IL1RAPL1: variants seen among roughly 807,000 people sequenced by gnomAD.
IL1RAPL1 encodes interleukin 1 receptor accessory protein like 1.
A neutral mutation model predicts 48.4 loss-of-function variants in IL1RAPL1; 3 were observed. That is an observed-to-expected ratio of 0.06 (90% confidence interval 0.03 to 0.16). The LOEUF (loss-of-function observed/expected upper bound fraction) is 0.16. Ranked by LOEUF, IL1RAPL1 falls within the 10% of genes least tolerant of loss-of-function variation. The probability of loss-of-function intolerance (pLI) is 1.00; values close to 1 mark genes in which losing one functional copy is unlikely to be tolerated. For missense variants in IL1RAPL1, 349 were observed against 530.6 expected, an observed-to-expected ratio of 0.66 and a Z score of 3.36; for synonymous variants, 185 against 187.7, an observed-to-expected ratio of 0.99 and a Z score of 0.12.
chrX:29,328,176 T>C (rs1450078802), intron 3 of IL1RAPL1, among the ~76,000 whole-genome samples: 1 of 111,987 alleles, frequency 8.9e-6, no homozygotes, highest in Non-Finnish European at 1.9e-5. Flanking sequence ...ATCTACTATA[T>C]ATGGAGAAAT....
chrX:29,837,295 A>G (rs1427144086), intron 6 of IL1RAPL1, among the ~76,000 whole-genome samples: 1 of 76,124 alleles, frequency 1.3e-5, no homozygotes, highest in Non-Finnish European at 2.3e-5. Flanking sequence ...ATATATATAT[A>G]TATATACACA....
intron 6 of IL1RAPL1, among the ~76,000 whole-genome samples, chrX:29,828,745 C>A (rs141835073): frequency 0.024 from 2,723 of 111,341 alleles, 84 homozygotes; most frequent in African/African-American, 0.084. Flanking sequence ...TAGTTATATG[C>A]CCATCATAAA....
Position 29,385,630 on chromosome X carries a change from C to T in IL1RAPL1, c.363-10628C>T, listed in dbSNP as rs900688839. On this transcript the variant is annotated intron_variant, in intron 3 of 10. Transcript: ENST00000378993. ...TTATCCTTTTGTGACTGACTGATTT[C>T]ACTTAGCCTAATGTTCTCAGGTTTC... 3.6e-5 allele frequency among the ~76,000 whole-genome samples: 4 copies of T among 112,403 alleles called. No individual in the cohort carries two copies. In the Admixed American group the frequency reaches 3.8e-4, roughly 11 times the overall value.
At position 28,864,641 on chromosome X, in the gene IL1RAPL1, G is replaced by T. The variant is rs373219710; in HGVS notation, c.82+75216G>T. Among the ~76,000 whole-genome samples the T allele has an allele frequency of 1.3e-4, 15 of 111,333 alleles. No homozygotes were observed. In the East Asian group the frequency reaches 3.1e-3, roughly 23 times the overall value. ...GATCTAGTAGTAGAGTGTTTGGACA[G>T]TGGGAACTACAGTGTGAAAGGCCCT... On this transcript the variant is annotated intron_variant, in intron 2 of 10. Transcript: ENST00000378993.
chrX:28,788,136 A>T (rs937226955), intron 1 of IL1RAPL1, among the ~76,000 whole-genome samples: 1 of 111,641 alleles, frequency 9.0e-6, no homozygotes, highest in African/African-American at 3.3e-5. Flanking sequence ...TTGAGAGTAG[A>T]TCTTAAGTCT....
chrX:28,653,474 C>CA (rs56944561), intron 1 of IL1RAPL1, among the ~76,000 whole-genome samples: 223 of 99,814 alleles, frequency 2.2e-3, no homozygotes, highest in Middle Eastern at 0.01. Context: ...GACTGGGTCT[C>CA]AAAAAAAAAA....
chrX:29,865,639 T>TTC (rs1207576567), intron 6 of IL1RAPL1, among the ~76,000 whole-genome samples: 1 of 90,188 alleles, frequency 1.1e-5, no homozygotes, highest in African/African-American at 4.4e-5. Flanking sequence ...TTCTTTTCTT[T>TTC]TTTTTTTTTT....
At chrX:28,848,488 C>A (rs1921570988) in intron 2 of IL1RAPL1, among the ~76,000 whole-genome samples, 1 of 109,447 alleles carries the variant, frequency 9.1e-6, no homozygotes, top group Admixed American at 9.7e-5. Flanking sequence ...AGAAAGCAAT[C>A]AACAACTCCT....
chrX:28,634,325 A>ATGTG (rs756591652), intron 1 of IL1RAPL1, among the ~76,000 whole-genome samples: 7 of 106,601 alleles, frequency 6.6e-5, no homozygotes, highest in African/African-American at 1.7e-4. Flanking sequence ...TTATATATAT[A>ATGTG]TGTGTGTGTG....
At chrX:28,845,844 CTCT>C (rs1921494142) in intron 2 of IL1RAPL1, among the ~76,000 whole-genome samples, 1 of 111,046 alleles carries the variant, frequency 9.0e-6, no homozygotes, top group African/African-American at 3.3e-5. Context: ...ATTTTACACC[CTCT>C]ACCCCTACAT....
rs11371992 is a variant in IL1RAPL1, at chrX:29,188,585, CTTTTTTTT to C, written c.83-94341_83-94334del. Among the ~76,000 whole-genome samples, 51 of 79,161 alleles carry C rather than the reference CTTTTTTTT, an allele frequency of 6.4e-4. 1 individual carries two copies. Among genetic ancestry groups the C allele is most frequent in the African/African-American group, 2.4e-3 (51 of 20,900 alleles). 68.7% of individuals were successfully genotyped at this position (79,161 alleles called of 115,157 possible). ...TACTGTAGTTGGGTTAAAACATACA[CTTTTTTTT>C]TTTTTTTTTTTGAGATGGAGTCTTG... On this transcript the variant is annotated intron_variant, in intron 2 of 10. Transcript: ENST00000378993.
chrX:28,771,074 G>T (rs970609531), intron 1 of IL1RAPL1, among the ~76,000 whole-genome samples: 5 of 111,445 alleles, frequency 4.5e-5, no homozygotes, highest in Non-Finnish European at 9.4e-5. Flanking sequence ...TCAGTTGCAG[G>T]ATATTAACTT....
intron 5 of IL1RAPL1, among the ~76,000 whole-genome samples, chrX:29,666,187 G>A (rs1320960289): frequency 9.0e-6 from 1 of 111,352 alleles, no homozygotes; most frequent in Non-Finnish European, 1.9e-5. Flanking sequence ...TATAAGGACA[G>A]AAACTAAAGA....
At chrX:29,218,091 A>G (rs910161693) in intron 2 of IL1RAPL1, among the ~76,000 whole-genome samples, 1 of 111,676 alleles carries the variant, frequency 9.0e-6, no homozygotes, top group African/African-American at 3.2e-5. Context: ...TGTTTCCTCT[A>G]CCAATAAAAT....
In IL1RAPL1 at chrX:29,802,994, T is replaced by TAC. The variant is rs1569173314; in HGVS notation, c.779-114469_779-114468insCA. On this transcript the variant is annotated intron_variant, in intron 6 of 10. Transcript: ENST00000378993. ...ATATATACATACATGTGTACATATATATGTATGCATATATACATATGTGTA... is the reference window on the plus strand; with the variant it reads ...ATATATACATACATGTGTACATATATACATGTATGCATATATACATATGTGTA... 1.5e-4 allele frequency among the ~76,000 whole-genome samples: 10 copies of TAC among 68,164 alleles called. 1 individual carries two copies. Among genetic ancestry groups the TAC allele is most frequent in the African/African-American group, 6.0e-4 (9 of 15,126 alleles). 59.2% of individuals were successfully genotyped at this position (68,164 alleles called of 115,157 possible). A position where few individuals can be genotyped will look rare whatever the true frequency, so the allele number is the denominator to read the frequency against.
chrX:29,583,857 A>G (rs1487206430), intron 5 of IL1RAPL1, among the ~76,000 whole-genome samples: 1 of 111,917 alleles, frequency 8.9e-6, no homozygotes, highest in Non-Finnish European at 1.9e-5. Flanking sequence ...AGATTCAGGA[A>G]CTAGAGGCAG....
intron 5 of IL1RAPL1, among the ~76,000 whole-genome samples, chrX:29,574,753 A>T (rs1922720078): frequency 9.0e-6 from 1 of 111,526 alleles, no homozygotes; most frequent in Admixed American, 9.5e-5. Flanking sequence ...CCAGTTTCAG[A>T]TCATCCCTTT....
At chrX:29,032,104 A>G (rs1003421615) in intron 2 of IL1RAPL1, among the ~76,000 whole-genome samples, 2 of 111,233 alleles carry the variant, frequency 1.8e-5, no homozygotes, top group Non-Finnish European at 3.8e-5. Flanking sequence ...TTGTCTTCTC[A>G]CTCATCATAT....
chrX:29,129,837 G>A (rs1300468068), intron 2 of IL1RAPL1, among the ~76,000 whole-genome samples: 1 of 109,282 alleles, frequency 9.2e-6, no homozygotes. Flanking sequence ...CTCATGATCC[G>A]CCCGCCTCGG....
Sources: gnomAD v4.1 joint callset for allele counts (sites outside exome capture counted in the v4.1 genomes callset) on GRCh38, gnomAD v4.1.1 for gene constraint, MANE v1.5 for transcripts, NCBI Gene and HGNC (gene_info 2026-07-23, HGNC 2026-07-21) for gene names.